OPRM1: variants seen among roughly 807,000 people sequenced by gnomAD.
OPRM1 encodes opioid receptor mu 1.
Under a neutral mutation model 31.8 loss-of-function variants are expected in OPRM1, and 27 were observed. The ratio of observed to expected loss-of-function variants is 0.85; its 90% CI spans 0.63 to 1.17. OPRM1 has a LOEUF of 1.17. OPRM1 is among the 50% of genes most tolerant of loss of function. OPRM1 has a pLI of 0.00. For missense variants in OPRM1, 536 were observed against 511.1 expected, an observed-to-expected ratio of 1.05 and a Z score of -0.47; for synonymous variants, 196 against 189.9, an observed-to-expected ratio of 1.03 and a Z score of -0.26.
intron 3 of OPRM1, among the ~76,000 whole-genome samples, chr6:154,106,124 GA>G (rs1189160668): frequency 2.6e-5 from 4 of 151,680 alleles, no homozygotes; most frequent in African/African-American, 4.9e-5. Flanking sequence ...TAAATCTTTA[GA>G]TTTTTTTCTT....
At chr6:154,065,834 A>G (rs1242637877) in intron 1 of OPRM1, among the ~76,000 whole-genome samples, 1 of 151,982 alleles carries the variant, frequency 6.6e-6, no homozygotes, top group Non-Finnish European at 1.5e-5. Flanking sequence ...AGCAGCCATC[A>G]TTGTCTTGTT....
chr6:154,202,082 G>A (rs986832234), intron 3 of OPRM1, among the ~76,000 whole-genome samples: 17 of 152,156 alleles, frequency 1.1e-4, no homozygotes, highest in African/African-American at 4.1e-4. Context: ...TCTGAGTTTT[G>A]ATGGGAGAAG....
downstream of OPRM1, among the ~76,000 whole-genome samples, chr6:154,134,750 G>C (rs1798012910): frequency 6.6e-6 from 1 of 152,152 alleles, no homozygotes; most frequent in Non-Finnish European, 1.5e-5. Flanking sequence ...TTCTCTTCGA[G>C]AAACTGGCTA....
Position 154,127,513 on chromosome 6 carries a change from C to A in OPRM1, c.*8792C>A, listed in dbSNP as rs551483914. ...TGAAATGTTTGTCATCACACAGATA[C>A]ACGCTCAGGATAAGAACTACCAGAC... On this transcript the variant is annotated 3_prime_UTR_variant, in exon 4 of 4. Transcript: ENST00000330432. Among the ~76,000 whole-genome samples, 1 of 152,150 alleles carries A rather than the reference C, an allele frequency of 6.6e-6. No homozygotes were observed. Among genetic ancestry groups the A allele is most frequent in the Non-Finnish European group, 1.5e-5 (1 of 68,034 alleles).
chr6:154,027,413 G>A (rs1251062586), intron 1 of OPRM1, among the ~76,000 whole-genome samples: 1 of 152,172 alleles, frequency 6.6e-6, no homozygotes, highest in Non-Finnish European at 1.5e-5. Flanking sequence ...CTAGGACTCT[G>A]CTGGGTCAGA....
chr6:154,078,836 C>A (rs1194082430), intron 1 of OPRM1, among the ~76,000 whole-genome samples: 1 of 152,064 alleles, frequency 6.6e-6, no homozygotes, highest in African/African-American at 2.4e-5. Context: ...CATAATTGTG[C>A]CACTGCACTC....
At chr6:154,045,402 C>T (rs998542021) in intron 1 of OPRM1, among the ~76,000 whole-genome samples, 1 of 152,144 alleles carries the variant, frequency 6.6e-6, no homozygotes, top group Non-Finnish European at 1.5e-5. Flanking sequence ...GATGTAGACA[C>T]TTATTTCAAG....
intron 1 of OPRM1, among the ~76,000 whole-genome samples, chr6:154,075,595 G>T (rs1365892584): frequency 6.6e-6 from 1 of 152,072 alleles, no homozygotes; most frequent in Non-Finnish European, 1.5e-5. Flanking sequence ...GGGATTATGA[G>T]TGCAGGCCAC....
chr6:154,136,651 G>A (rs1177436899), downstream of OPRM1, among the ~76,000 whole-genome samples: 1 of 152,100 alleles, frequency 6.6e-6, no homozygotes, highest in Admixed American at 6.5e-5. Flanking sequence ...CACAGACAGT[G>A]CCCAAGACAG....
At chr6:154,117,929 A>G (rs1242233515) in intron 3 of OPRM1, among the ~76,000 whole-genome samples, 2 of 152,044 alleles carry the variant, frequency 1.3e-5, no homozygotes, top group East Asian at 3.9e-4. Flanking sequence ...ATGGCAAAGC[A>G]CATGGATAAA....
chr6:154,143,969 A>G, intron 3 of OPRM1, among the ~76,000 whole-genome samples: 1 of 152,230 alleles, frequency 6.6e-6, no homozygotes, highest in African/African-American at 2.4e-5. Flanking sequence ...CAAATTACCA[A>G]TATCAGAAAT....
At position 154,168,094 on chromosome 6, in the gene OPRM1, T is replaced by C. The variant is rs1799575861; in HGVS notation, c.1164+76622T>C. 1 of 1,556,986 alleles carries C rather than the reference T, an allele frequency of 6.4e-7. No homozygotes were observed. On this transcript the variant is annotated intron_variant, in intron 3 of 3. Transcript: ENST00000337049. This position sits in a 1 kb window ranked among gnomAD's most constrained non-coding sequence, Gnocchi z 4.1. ...TGTACAGCTTCTCCATTTCATCATCTTCAGACACTTTTGTCTCTTCTATTT... is the reference window on the plus strand; with the variant it reads ...TGTACAGCTTCTCCATTTCATCATCCTCAGACACTTTTGTCTCTTCTATTT...
At chr6:154,069,390 C>T (rs922950831) in intron 1 of OPRM1, among the ~76,000 whole-genome samples, 7 of 152,158 alleles carry the variant, frequency 4.6e-5, no homozygotes, top group East Asian at 1.9e-4. Context: ...AGGTGCATGC[C>T]GCCACACCCA....
At chr6:154,096,127 AGCTCACTGCAACCTCTTCCTCCTG>A (rs1793339724) in intron 3 of OPRM1, among the ~76,000 whole-genome samples, 2 of 152,150 alleles carry the variant, frequency 1.3e-5, no homozygotes, top group African/African-American at 4.8e-5. Flanking sequence ...GTGCGATCTC[AGCTCACTGCAACCTCTTCCTCCTG>A]GTTCAAACGA....
intron 3 of OPRM1, among the ~76,000 whole-genome samples, chr6:154,167,716 A>G (rs1323703507): frequency 6.6e-6 from 1 of 152,170 alleles, no homozygotes; most frequent in East Asian, 1.9e-4. Context: ...CCTATTGTGA[A>G]AAACTGCCTT....
At chr6:154,145,895 A>G (rs1798346764) in intron 3 of OPRM1, among the ~76,000 whole-genome samples, 1 of 152,244 alleles carries the variant, frequency 6.6e-6, no homozygotes, top group African/African-American at 2.4e-5. Flanking sequence ...AAGTGTTTTC[A>G]ACAAATGGTG....
chr6:154,024,906 G>A (rs1778600836), intron 1 of OPRM1, among the ~76,000 whole-genome samples: 1 of 151,954 alleles, frequency 6.6e-6, no homozygotes, highest in African/African-American at 2.4e-5. Flanking sequence ...CAGAGGAGAT[G>A]CTTGATATTT....
chr6:154,108,544 A>AAAAAGC (rs1157019346), intron 3 of OPRM1: 3 of 153,848 alleles, frequency 1.9e-5, no homozygotes, highest in Non-Finnish European at 4.3e-5. Context: ...TTTAGGGAGG[A>AAAAAGC]AAAAGCTCCC....
chr6:154,219,492 C>CTT lies in OPRM1; in HGVS notation c.1165-27201_1165-27200insTT, dbSNP rs1322027787. 2.1e-4 allele frequency among the ~76,000 whole-genome samples: 32 copies of CTT among 152,232 alleles called. No homozygotes were observed. In the East Asian group the frequency reaches 6.0e-3, roughly 29 times the overall value. On this transcript the variant is annotated intron_variant, in intron 3 of 3. Coordinates refer to the OPRM1 transcript ENST00000337049. ...CACCACCATTCAAGACCAGAAAAGA[C>CTT]CATTTGGGATGAACTGAGGCTCAGC...
Sources: gnomAD v4.1 joint callset for allele counts (sites outside exome capture counted in the v4.1 genomes callset) on GRCh38, gnomAD v4.1.1 for gene constraint, Gnocchi (gnomAD v3.1) non-coding constraint, MANE v1.5 for transcripts, NCBI Gene and HGNC (gene_info 2026-07-23, HGNC 2026-07-21) for gene names.